FGD4: variants seen among roughly 807,000 people sequenced by gnomAD.
FGD4 encodes the protein FYVE, RhoGEF and PH domain-containing protein 4.
In FGD4, 42 loss-of-function variants were observed where a neutral mutation model predicts 102.0. The observed-to-expected ratio is 0.41, with a 90% CI of 0.32 to 0.53. The LOEUF (loss-of-function observed/expected upper bound fraction) is 0.53, where lower values mean the gene tolerates loss of function less well. Ranked by LOEUF, FGD4 falls within the 20% of genes least tolerant of loss-of-function variation. The probability of loss-of-function intolerance (pLI) is 0.21; values close to 1 mark genes in which losing one functional copy is unlikely to be tolerated. For missense variants in FGD4, 902 were observed against 1,078.2 expected (o/e 0.84, Z 2.29); for synonymous variants, 380 against 375.7 (o/e 1.01, Z -0.13).
chr12:32,631,970 G>C (rs939148710), intron 14 of FGD4, among the ~76,000 whole-genome samples: 3 of 152,168 alleles, frequency 2.0e-5, no homozygotes, highest in Admixed American at 1.3e-4. Context: ...AAAATGGATG[G>C]TAATGAGTTT....
chr12:32,499,265 G>T lies in FGD4; in HGVS notation c.167-64872G>T, dbSNP rs374444481. On this transcript the variant is annotated intron_variant, in intron 1 of 16. Transcript: ENST00000534526. ...CGGTTTTATCTTAAGAACCTTTATG[G>T]GGATTGTTGACTGTTGGTCACATGC... 3.9e-5 allele frequency among the ~76,000 whole-genome samples: 6 copies of T among 152,304 alleles called. No homozygotes were observed. The South Asian group carries it at 1.0e-3, about 26-fold the overall frequency.
At chr12:32,564,056 G>T in intron 1 of FGD4, 81 bp from the exon 2 acceptor site, 1 of 1,341,556 alleles carries the variant, frequency 7.5e-7, no homozygotes, top group Non-Finnish European at 1.0e-6. Context: ...AGAGGGAGTG[G>T]GAGAGGGGAA....
At chr12:32,460,844 C>G (rs1019671191) in intron 1 of FGD4, among the ~76,000 whole-genome samples, 2 of 152,226 alleles carry the variant, frequency 1.3e-5, no homozygotes, top group African/African-American at 4.8e-5. Flanking sequence ...GTGTAATAAC[C>G]TGCCCATGCG....
intron 2 of FGD4, among the ~76,000 whole-genome samples, chr12:32,572,881 T>C (rs573546437): frequency 6.6e-6 from 1 of 152,324 alleles, no homozygotes; most frequent in African/African-American, 2.4e-5. Flanking sequence ...TAAACTGACA[T>C]AACAACAGAT....
chr12:32,589,018 C>T (rs1311875817), intron 4 of FGD4, among the ~76,000 whole-genome samples: 1 of 152,222 alleles, frequency 6.6e-6, no homozygotes, highest in Non-Finnish European at 1.5e-5. Flanking sequence ...CAGCTACTTA[C>T]TAGCTCTGTG....
chr12:32,499,707 G>A (rs1938044496), intron 1 of FGD4, among the ~76,000 whole-genome samples: 1 of 152,170 alleles, frequency 6.6e-6, no homozygotes, highest in Non-Finnish European at 1.5e-5. Flanking sequence ...GGTAAGCCTG[G>A]CCTTTTGTTC....
intron 14 of FGD4, among the ~76,000 whole-genome samples, chr12:32,632,705 A>ATTTT (rs1275380016): frequency 9.6e-5 from 12 of 124,882 alleles, no homozygotes; most frequent in African/African-American, 3.2e-4. Context: ...TTATTTATTT[A>ATTTT]TTTATTTATT....
At chr12:32,624,623 AC>A in intron 12 of FGD4, 171 bp downstream of exon 12, 1 of 697,750 alleles carries the variant, frequency 1.4e-6, no homozygotes, top group Non-Finnish European at 2.6e-6. Flanking sequence ...GGCGTGCACC[AC>A]CATGTCTGGT....
intron 1 of FGD4, among the ~76,000 whole-genome samples, chr12:32,472,836 A>G (rs970633182): frequency 6.6e-5 from 10 of 152,182 alleles, no homozygotes; most frequent in African/African-American, 2.4e-4. Flanking sequence ...TGTTTAGCTC[A>G]AGGTTTGTGA....
In FGD4 at chr12:32,581,945, T is replaced by C; in HGVS notation, c.504-15T>C. The C allele has an allele frequency of 6.2e-7, 1 of 1,613,792 alleles. No individual in the cohort carries two copies. Among genetic ancestry groups the C allele is most frequent in the Non-Finnish European group, 8.5e-7 (1 of 1,179,744 alleles). ...TACCAATGTTTTCATGCTTCCTTTG[T>C]ATTTTATCTTTTAGCTCATTATCAA... On this transcript the variant is annotated splice_polypyrimidine_tract_variant and intron_variant, in intron 3 of 16. Transcript: ENST00000534526.
chr12:32,405,359 A>G (rs1298984272), intron 1 of FGD4, among the ~76,000 whole-genome samples: 8 of 148,562 alleles, frequency 5.4e-5, no homozygotes, highest in Non-Finnish European at 1.2e-4. Flanking sequence ...TCCCGGGTTC[A>G]AGCAATTCTC....
intron 2 of FGD4, among the ~76,000 whole-genome samples, chr12:32,571,258 C>T (rs1191609205): frequency 6.6e-6 from 1 of 152,066 alleles, no homozygotes; most frequent in Non-Finnish European, 1.5e-5. Flanking sequence ...AGTTTGAGGC[C>T]AACCTGGCCA....
At chr12:32,538,343 T>G (rs1942490042) in intron 1 of FGD4, among the ~76,000 whole-genome samples, 1 of 152,254 alleles carries the variant, frequency 6.6e-6, no homozygotes, top group Admixed American at 6.5e-5. Flanking sequence ...TTTCTAATAT[T>G]CAGTGCCTTT....
chr12:32,640,371 G>A lies in FGD4; in HGVS notation c.2550G>A (p.Gln850=). 1 of 1,614,194 alleles carries A rather than the reference G, an allele frequency of 6.2e-7. No individual in the cohort carries two copies. The highest frequency in any genetic ancestry group is 8.5e-7 in the Non-Finnish European group (1 of 1,180,036). The change falls in exon 17 of 17, where the codon CAG becomes CAA. Residue 850 remains glutamine (Q), a synonymous_variant. Coordinates refer to ENST00000534526, the MANE Select transcript of FGD4 (RefSeq NM_001370298.3). ...ADLPHSFKLT[Q]SKSVHSFAAD... is the part of the protein sequence containing the mutation. ...TGCCACACAGTTTCAAACTGACCCA[G>A]TCTAAGTCCGTGCACAGCTTTGCTG... is the stretch of plus-strand genomic sequence containing the variant.
At chr12:32,510,043 T>G (rs559856424) in intron 1 of FGD4, among the ~76,000 whole-genome samples, 1 of 152,370 alleles carries the variant, frequency 6.6e-6, no homozygotes, top group African/African-American at 2.4e-5. Flanking sequence ...CAGAAGTCAC[T>G]TGACCTGTAA....
chr12:32,518,985 C>T (rs1236833305), intron 1 of FGD4, among the ~76,000 whole-genome samples: 1 of 151,738 alleles, frequency 6.6e-6, no homozygotes, highest in Non-Finnish European at 1.5e-5. Context: ...TGTGGTGGCA[C>T]ATGCCCGTAA....
At chr12:32,589,049 A>G (rs1020724414) in intron 4 of FGD4, among the ~76,000 whole-genome samples, 4 of 152,024 alleles carry the variant, frequency 2.6e-5, no homozygotes, top group Non-Finnish European at 5.9e-5. Flanking sequence ...GATTACTTCA[A>G]CCTCCCTGTG....
intron 1 of FGD4, among the ~76,000 whole-genome samples, chr12:32,508,885 A>G (rs185339055): frequency 1.3e-5 from 2 of 152,370 alleles, no homozygotes; most frequent in East Asian, 3.9e-4. Flanking sequence ...TTGCCTGAAC[A>G]ACTTAAACTA....
chr12:32,491,534 C>T (rs746158796), intron 1 of FGD4, among the ~76,000 whole-genome samples: 3 of 151,990 alleles, frequency 2.0e-5, no homozygotes, highest in Admixed American at 6.5e-5. Context: ...AACCTTTTTT[C>T]GTTGGTAAGG....
Sources: gnomAD v4.1 joint callset for allele counts (sites outside exome capture counted in the v4.1 genomes callset) on GRCh38, gnomAD v4.1.1 for gene constraint, MANE v1.5 for transcripts, NCBI Gene and HGNC (gene_info 2026-07-23, HGNC 2026-07-21) for gene names.